DHRSX: variants seen among roughly 807,000 people sequenced by gnomAD.
DHRSX encodes polyprenol dehydrogenase.
DHRSX carries 31 observed loss-of-function variants against 34.0 expected under a neutral mutation model. The observed-to-expected ratio is 0.91, with a 90% CI of 0.69 to 1.23. DHRSX has a LOEUF of 1.23. Among genes scored for constraint, DHRSX ranks in the 50% most tolerant of loss-of-function variants. The pLI is 0.00. For missense variants in DHRSX, 414 were observed against 428.1 expected (o/e 0.97, Z 0.29); for synonymous variants, 201 against 183.8 (o/e 1.09, Z -0.76).
chrX:2,356,698 C>G (rs758468584), intron 3 of DHRSX, among the ~76,000 whole-genome samples: 1 of 152,294 alleles, frequency 6.6e-6, no homozygotes, highest in African/African-American at 2.4e-5. Context: ...TCCTCAGCCT[C>G]CTCCATGTGA....
At chrX:2,262,961 C>A (rs1416534097) in intron 5 of DHRSX, among the ~76,000 whole-genome samples, 3 of 152,230 alleles carry the variant, frequency 2.0e-5, no homozygotes, top group African/African-American at 4.8e-5. Flanking sequence ...GAAATGCAAA[C>A]TGTTAGGAGC....
At chrX:2,321,708 A>AT (rs1160480387) in intron 3 of DHRSX, among the ~76,000 whole-genome samples, 4 of 151,998 alleles carry the variant, frequency 2.6e-5, no homozygotes, top group Non-Finnish European at 5.9e-5. Context: ...AATTTCTGTT[A>AT]TTTATGCCAC....
chrX:2,270,046 G>C (rs2041529019), intron 4 of DHRSX, among the ~76,000 whole-genome samples: 1 of 152,126 alleles, frequency 6.6e-6, no homozygotes, highest in Non-Finnish European at 1.5e-5. Flanking sequence ...TGTATATGTA[G>C]AGGTGTATCC....
chrX:2,373,385 G>A (rs1275743310), intron 3 of DHRSX, among the ~76,000 whole-genome samples: 1 of 152,154 alleles, frequency 6.6e-6, no homozygotes, highest in Non-Finnish European at 1.5e-5. Flanking sequence ...ATCTAGGGAA[G>A]CTATGCTGTG....
chrX:2,265,039 TCC>T (rs2124459889), intron 5 of DHRSX, among the ~76,000 whole-genome samples: 2 of 77,810 alleles, frequency 2.6e-5, no homozygotes, highest in East Asian at 8.3e-4. Context: ...AGCACCAGTG[TCC>T]AGCAGACACA....
intron 1 of DHRSX, among the ~76,000 whole-genome samples, chrX:2,430,087 C>T (rs953603970): frequency 6.6e-6 from 1 of 151,076 alleles, no homozygotes; most frequent in Non-Finnish European, 1.5e-5. Flanking sequence ...TATCAGGAAA[C>T]CTAAAGACAT....
At chrX:2,432,081 C>T (rs1410750086) in intron 1 of DHRSX, among the ~76,000 whole-genome samples, 3 of 152,096 alleles carry the variant, frequency 2.0e-5, no homozygotes, top group East Asian at 1.9e-4. Context: ...GTAATCCCAG[C>T]GACTCGGGAG....
intron 5 of DHRSX, among the ~76,000 whole-genome samples, chrX:2,259,337 TATAG>T (rs1377735018): frequency 2.5e-4 from 37 of 145,256 alleles, no homozygotes; most frequent in East Asian, 9.8e-4. Flanking sequence ...TATAGATATA[TATAG>T]ATATAGATAT....
chrX:2,459,568 A>ATATG (rs1156525349), intron 1 of DHRSX, among the ~76,000 whole-genome samples: 1 of 148,342 alleles, frequency 6.7e-6, no homozygotes, highest in East Asian at 2.0e-4. Flanking sequence ...ATATATATAT[A>ATATG]TATATATATA....
At chrX:2,354,904 G>A (rs980384399) in intron 3 of DHRSX, among the ~76,000 whole-genome samples, 5 of 152,052 alleles carry the variant, frequency 3.3e-5, no homozygotes, top group Non-Finnish European at 5.9e-5. Context: ...GTGAAGACTG[G>A]GCATTAAAAT....
At chrX:2,324,338 G>A (rs920266123) in intron 3 of DHRSX, among the ~76,000 whole-genome samples, 1 of 152,112 alleles carries the variant, frequency 6.6e-6, no homozygotes, top group Non-Finnish European at 1.5e-5. Flanking sequence ...CTCCGTAGGC[G>A]GCTCTCACTC....
intron 6 of DHRSX, among the ~76,000 whole-genome samples, chrX:2,240,262 C>T (rs1377959817): frequency 1.4e-5 from 2 of 147,540 alleles, no homozygotes; most frequent in East Asian, 2.0e-4. Flanking sequence ...CAGTGCACTG[C>T]AGCCTGGTGA....
At position 2,263,229 on chromosome X, in the gene DHRSX, C is replaced by T. The variant is rs753801117; in HGVS notation, c.596+3511G>A. ...CTCCAAATTCCTACATGGAAATCCT[C>T]ATCCCCCGTGAGATGGTGTTAGGAG... On this transcript the variant is annotated intron_variant, in intron 5 of 6. Coordinates refer to ENST00000334651, the MANE Select transcript of DHRSX (RefSeq NM_145177.3). Among the ~76,000 whole-genome samples, 3 of 152,324 alleles carry T rather than the reference C, an allele frequency of 2.0e-5. No individual in the cohort carries two copies. In the East Asian group the frequency reaches 5.8e-4, roughly 29 times the overall value.
intron 1 of DHRSX, among the ~76,000 whole-genome samples, chrX:2,451,048 T>G (rs1296535889): frequency 6.6e-6 from 1 of 151,958 alleles, no homozygotes; most frequent in Non-Finnish European, 1.5e-5. Flanking sequence ...CCTCCAACCT[T>G]TAGAACTGTG....
chrX:2,500,533 A>C, intron 1 of DHRSX: 1 of 159,668 alleles, frequency 6.3e-6, no homozygotes, highest in Non-Finnish European at 1.4e-5. Flanking sequence ...CCGACCCGGG[A>C]CAGGCGGGGA....
chrX:2,232,935 T>C (rs68133243), intron 6 of DHRSX, among the ~76,000 whole-genome samples: 122,528 of 151,990 alleles, frequency 0.81, 49,717 homozygotes, highest in East Asian at 0.95. Context: ...GCTGGGAACC[T>C]CACTCATTCT....
chrX:2,294,161 C>A (rs1201568293), intron 3 of DHRSX, among the ~76,000 whole-genome samples: 1 of 151,636 alleles, frequency 6.6e-6, no homozygotes, highest in Non-Finnish European at 1.5e-5. Context: ...GAGATAAAGA[C>A]AAAGAGACAC....
chrX:2,358,906 G>A (rs1362317121), intron 3 of DHRSX, among the ~76,000 whole-genome samples: 3 of 149,328 alleles, frequency 2.0e-5, no homozygotes, highest in African/African-American at 4.9e-5. Flanking sequence ...CCGAGATCGC[G>A]CCACCGCACT....
At chrX:2,272,084 TCA>T (rs199961082) in intron 4 of DHRSX, among the ~76,000 whole-genome samples, 3,209 of 151,740 alleles carry the variant, frequency 0.021, 119 homozygotes, top group African/African-American at 0.072. Flanking sequence ...GCAGCACAAC[TCA>T]CAACTGCAAA....
Sources: allele counts gnomAD v4.1 joint callset (sites outside exome capture counted in the v4.1 genomes callset), GRCh38; gene constraint gnomAD v4.1.1; transcripts MANE v1.5; gene names NCBI Gene and HGNC (gene_info 2026-07-23, HGNC 2026-07-21).